MACROD2: variants seen among roughly 807,000 people sequenced by gnomAD.
MACROD2 encodes ADP-ribose glycohydrolase MACROD2.
MACROD2 carries 36 observed loss-of-function variants against 70.4 expected under a neutral mutation model. The ratio of observed to expected loss-of-function variants is 0.51; its 90% CI spans 0.39 to 0.68. The LOEUF (loss-of-function observed/expected upper bound fraction) is 0.68. Ranked by LOEUF, MACROD2 falls within the 30% of genes least tolerant of loss-of-function variation. The pLI is 0.00. For synonymous variants in MACROD2, 172 were observed against 178.8 expected, an observed-to-expected ratio of 0.96 and a Z score of 0.30; for missense variants, 496 against 538.4, an observed-to-expected ratio of 0.92 and a Z score of 0.78.
intron 5 of MACROD2, among the ~76,000 whole-genome samples, chr20:15,086,427 A>G (rs1006195961): frequency 3.9e-5 from 6 of 152,156 alleles, no homozygotes; most frequent in Non-Finnish European, 2.9e-5. Context: ...ATCAGAATCA[A>G]CTAAGGGTCT....
rs114108211 is a variant in MACROD2, at chr20:14,540,923, A to G, written c.301+47415A>G. ...CTTCATATAGATTCCATTTTTCTGT[A>G]TGAAAATGGTCTGCCAACTGTCCAT... is the stretch of plus-strand genomic sequence containing the variant. On this transcript the variant is annotated intron_variant, in intron 4 of 17. Transcript: ENST00000684519. 4.9e-3 allele frequency among the ~76,000 whole-genome samples: 753 copies of G among 152,312 alleles called. 5 individuals carry two copies. Among genetic ancestry groups the G allele is most frequent in the African/African-American group, 0.016 (682 of 41,562 alleles).
At chr20:14,444,251 A>G (rs140917245) in intron 3 of MACROD2, among the ~76,000 whole-genome samples, 113 of 152,224 alleles carry the variant, frequency 7.4e-4, no homozygotes, top group Non-Finnish European at 1.3e-3. Flanking sequence ...TTATAAAATG[A>G]GTACATTCTC....
At chr20:15,519,106 CCTTCCTTCCTTCCTTT>C (rs879482843) in intron 8 of MACROD2, among the ~76,000 whole-genome samples, 352 of 138,420 alleles carry the variant, frequency 2.5e-3, no homozygotes, top group South Asian at 7.0e-3. Flanking sequence ...TTCCTTCCTT[CCTTCCTTCCTTCCTTT>C]CTTTCTTTCT....
At chr20:14,114,702 G>T (rs2054494273) in intron 3 of MACROD2, among the ~76,000 whole-genome samples, 1 of 152,090 alleles carries the variant, frequency 6.6e-6, no homozygotes, top group Non-Finnish European at 1.5e-5. Flanking sequence ...TCCAGGAAGG[G>T]ACACGACGGA....
At chr20:14,807,773 A>C (rs970738341) in intron 5 of MACROD2, among the ~76,000 whole-genome samples, 2 of 152,148 alleles carry the variant, frequency 1.3e-5, no homozygotes, top group African/African-American at 4.8e-5. Flanking sequence ...TGAAAAACAC[A>C]GCACAAGAAC....
intron 15 of MACROD2, among the ~76,000 whole-genome samples, chr20:16,034,125 G>T (rs748456994): frequency 6.6e-6 from 1 of 152,036 alleles, no homozygotes; most frequent in Non-Finnish European, 1.5e-5. Context: ...CTATGTGAAT[G>T]AATAAATCCA....
At chr20:15,192,783 C>G (rs1320773027) in intron 5 of MACROD2, among the ~76,000 whole-genome samples, 1 of 152,208 alleles carries the variant, frequency 6.6e-6, no homozygotes, top group Admixed American at 6.5e-5. Flanking sequence ...AGAGGATAAA[C>G]AGCAGAGGGT....
chr20:14,188,412 T>C (rs1433100555), intron 3 of MACROD2, among the ~76,000 whole-genome samples: 1 of 152,174 alleles, frequency 6.6e-6, no homozygotes, highest in East Asian at 1.9e-4. Flanking sequence ...TTACCTGGAA[T>C]TTTAGCTTCA....
chr20:15,523,349 C>A (rs534368784), intron 8 of MACROD2, among the ~76,000 whole-genome samples: 16 of 152,210 alleles, frequency 1.1e-4, no homozygotes, highest in African/African-American at 3.9e-4. Flanking sequence ...ATTTTTAGAG[C>A]CATCACAGTT....
At chr20:15,693,020 C>A (rs904881130) in intron 8 of MACROD2, among the ~76,000 whole-genome samples, 1 of 152,214 alleles carries the variant, frequency 6.6e-6, no homozygotes, top group Admixed American at 6.5e-5. Context: ...ATGCTAAAGA[C>A]GTGTTTGCTT....
At position 14,680,791 on chromosome 20, in the gene MACROD2, A is replaced by G. The variant is rs188744127; in HGVS notation, c.302-4052A>G. Among the ~76,000 whole-genome samples, 17 of 152,334 alleles carry G rather than the reference A, an allele frequency of 1.1e-4. No individual in the cohort carries two copies. In the East Asian group the frequency reaches 3.3e-3, roughly 29 times the overall value. On this transcript the variant is annotated intron_variant, in intron 4 of 17. Coordinates refer to ENST00000684519, the MANE Select transcript of MACROD2 (RefSeq NM_001351661.2). Reference sequence around the variant, plus strand: ...ATGTCACATCTGTTAAGGAATTTACATGACTAGATAAAATAGAATGGATGA... The same window carrying G: ...ATGTCACATCTGTTAAGGAATTTACGTGACTAGATAAAATAGAATGGATGA...
In MACROD2 at chr20:15,577,482, C is replaced by T. The variant is rs925591666; in HGVS notation, c.645+77635C>T. 3.3e-5 allele frequency among the ~76,000 whole-genome samples: 5 copies of T among 152,252 alleles called. No homozygotes were observed. The South Asian group carries it at 6.2e-4, about 19-fold the overall frequency. On this transcript the variant is annotated intron_variant, in intron 8 of 17. Transcript: ENST00000684519. The stretch of plus-strand genomic sequence containing the variant: ...AAAAACATTAATAACTCCTGTTTAT[C>T]GTTAAATATTCTGCCAGTACAAGCT...
chr20:15,368,914 G>C (rs1174663833), intron 6 of MACROD2, among the ~76,000 whole-genome samples: 1 of 152,206 alleles, frequency 6.6e-6, no homozygotes, highest in Non-Finnish European at 1.5e-5. Flanking sequence ...AAGAACTGCT[G>C]TCCTTTTGGT....
At chr20:15,845,313 T>A (rs1350462129) in intron 8 of MACROD2, among the ~76,000 whole-genome samples, 1 of 152,128 alleles carries the variant, frequency 6.6e-6, no homozygotes, top group African/African-American at 2.4e-5. Flanking sequence ...AAATTCTGAT[T>A]CTCAGCACCA....
rs2050943747 is a variant in MACROD2 at position 15,731,503 on chromosome 20, C to T, written c.646-131242C>T. On this transcript the variant is annotated intron_variant, in intron 8 of 17. Coordinates refer to ENST00000684519, the MANE Select transcript of MACROD2 (RefSeq NM_001351661.2). ...GTGCTTTAACTCTGGGGGGCTGGTA[C>T]CAGGTCCCCACACTTGTTCTCTGGC... Among the ~76,000 whole-genome samples, 2 of 57,480 alleles carry T rather than the reference C, an allele frequency of 3.5e-5. 1 individual carries two copies. The highest frequency in any genetic ancestry group is 9.7e-5 in the African/African-American group (2 of 20,568). 37.7% of individuals were successfully genotyped at this position (57,480 alleles called of 152,430 possible). A position where few individuals can be genotyped will look rare whatever the true frequency, so the allele number is the denominator to read the frequency against.
chr20:14,131,850 G>A (rs1049235657), intron 3 of MACROD2, among the ~76,000 whole-genome samples: 3 of 151,940 alleles, frequency 2.0e-5, no homozygotes, highest in African/African-American at 7.3e-5. Flanking sequence ...AGAGATTCTC[G>A]GCCGCGCGCG....
At chr20:14,168,206 C>G (rs963341005) in intron 3 of MACROD2, among the ~76,000 whole-genome samples, 1 of 151,924 alleles carries the variant, frequency 6.6e-6, no homozygotes, top group African/African-American at 2.4e-5. Flanking sequence ...GAGTAAGTGA[C>G]CTACAAACAC....
intron 3 of MACROD2, among the ~76,000 whole-genome samples, chr20:14,284,721 G>T (rs1299807939): frequency 6.6e-6 from 1 of 152,172 alleles, no homozygotes; most frequent in African/African-American, 2.4e-5. Context: ...AGCAATCTCA[G>T]TGCATTTCTT....
In MACROD2 at chr20:14,433,239, C is replaced by T. The variant is rs547647874; in HGVS notation, c.272-60240C>T. On this transcript the variant is annotated intron_variant, in intron 3 of 17. Coordinates refer to ENST00000684519, the MANE Select transcript of MACROD2 (RefSeq NM_001351661.2). Reference sequence around the variant, plus strand: ...ATAAATAGTAGTAAAAGCAGAAACACAGTGAAAGAGACGTAAAACACATTC... The same window carrying T: ...ATAAATAGTAGTAAAAGCAGAAACATAGTGAAAGAGACGTAAAACACATTC... Among the ~76,000 whole-genome samples the T allele has an allele frequency of 3.9e-5, 6 of 152,170 alleles. No individual in the cohort carries two copies. The South Asian group carries it at 1.2e-3, about 32-fold the overall frequency.
Sources: allele counts gnomAD v4.1 joint callset (sites outside exome capture counted in the v4.1 genomes callset), GRCh38; gene constraint gnomAD v4.1.1; transcripts MANE v1.5; gene names NCBI Gene and HGNC (gene_info 2026-07-23, HGNC 2026-07-21).